The following MICU2 variants were observed in gnomAD, a reference collection of about 807,000 sequenced individuals.
MICU2 encodes mitochondrial calcium uptake 2, also known as calcium uptake protein 2, mitochondrial.
MICU2 carries 64 observed loss-of-function variants against 60.4 expected under a neutral mutation model. The observed-to-expected ratio is 1.06, with a 90% confidence interval of 0.87 to 1.31. MICU2 has a LOEUF of 1.31. MICU2 is among the 50% of genes most tolerant of loss of function. The pLI is 0.00. For synonymous variants in MICU2, 201 were observed against 175.0 expected (o/e 1.15, Z -1.17); for missense variants, 569 against 531.0 (o/e 1.07, Z -0.70).
At chr13:21,550,511 T>C (rs1023028260) in intron 2 of MICU2, among the ~76,000 whole-genome samples, 1 of 152,146 alleles carries the variant, frequency 6.6e-6, no homozygotes, top group Non-Finnish European at 1.5e-5. Flanking sequence ...GCACCCCAGC[T>C]TGGACCACAG....
intron 8 of MICU2, among the ~76,000 whole-genome samples, chr13:21,506,891 CA>C (rs1389755405): frequency 1.3e-5 from 2 of 152,136 alleles, no homozygotes; most frequent in African/African-American, 4.8e-5. Context: ...CCCAGAAACA[CA>C]AAAGTATAAG....
intron 10 of MICU2, chr13:21,495,807 T>TCCC (rs1267388091): frequency 1.2e-5 from 4 of 342,726 alleles, no homozygotes; most frequent in African/African-American, 8.7e-5. Flanking sequence ...GTGCTGGGAT[T>TCCC]ACAGGCATGA....
At chr13:21,557,332 G>A (rs550993490) in intron 2 of MICU2, among the ~76,000 whole-genome samples, 14 of 152,228 alleles carry the variant, frequency 9.2e-5, no homozygotes, top group African/African-American at 3.1e-4. Context: ...AGAAAAGAAC[G>A]TAAAGAAGGG....
chr13:21,530,250 G>A (rs542979015), intron 4 of MICU2, among the ~76,000 whole-genome samples: 1 of 152,276 alleles, frequency 6.6e-6, no homozygotes, highest in African/African-American at 2.4e-5. Context: ...TGTAATGAAT[G>A]CTATGTATAT....
chr13:21,534,768 A>G (rs373920701), intron 4 of MICU2, among the ~76,000 whole-genome samples: 9 of 152,192 alleles, frequency 5.9e-5, no homozygotes, highest in African/African-American at 2.2e-4. Flanking sequence ...AAATAACCAC[A>G]TATATTTTTC....
chr13:21,569,707 T>C (rs1888064246), intron 1 of MICU2, among the ~76,000 whole-genome samples: 3 of 151,606 alleles, frequency 2.0e-5, no homozygotes, highest in African/African-American at 7.3e-5. Flanking sequence ...CTAATGTTTA[T>C]TAAGTATGTA....
intron 1 of MICU2, among the ~76,000 whole-genome samples, chr13:21,583,393 G>A (rs1888392806): frequency 6.6e-6 from 1 of 152,158 alleles, no homozygotes; most frequent in Non-Finnish European, 1.5e-5. Context: ...GATTGCCTTT[G>A]TATTGCAACG....
intron 1 of MICU2, among the ~76,000 whole-genome samples, chr13:21,575,493 T>C (rs7334482): frequency 0.95 from 142,738 of 150,948 alleles, 67,636 homozygotes; most frequent in East Asian, 1. Flanking sequence ...GAGGCCAAAG[T>C]GGGAGGATCC....
chr13:21,522,809 T>C (rs1002920522), intron 4 of MICU2, among the ~76,000 whole-genome samples, 159 bp from the exon 5 acceptor site: 2 of 152,232 alleles, frequency 1.3e-5, no homozygotes, highest in Non-Finnish European at 2.9e-5. Context: ...AGTAGAGGCC[T>C]AATACTTAAA....
intron 4 of MICU2, chr13:21,531,298 A>G (rs1886992541): frequency 1.3e-6 from 2 of 1,573,622 alleles, no homozygotes; most frequent in Admixed American, 1.7e-5. Context: ...AGCACAGAAA[A>G]TGACTCACCA....
intron 2 of MICU2, among the ~76,000 whole-genome samples, chr13:21,543,711 G>T (rs917812062): frequency 6.6e-6 from 1 of 152,028 alleles, no homozygotes; most frequent in African/African-American, 2.4e-5. Flanking sequence ...TGGATCAGAA[G>T]AATTAATATT....
chr13:21,493,784 TAAA>T (rs111899635), intron 11 of MICU2, among the ~76,000 whole-genome samples: 1 of 143,290 alleles, frequency 7.0e-6, no homozygotes. Context: ...TGGCTAAAAT[TAAA>T]AAAAAAAAAG....
intron 1 of MICU2, among the ~76,000 whole-genome samples, chr13:21,578,682 TG>T (rs1339172260): frequency 6.6e-6 from 1 of 152,236 alleles, no homozygotes; most frequent in African/African-American, 2.4e-5. Flanking sequence ...AATAATTTAC[TG>T]AAATATCTTT....
chr13:21,509,860 G>A (rs1223631922), intron 8 of MICU2, 144 bp downstream of exon 8: 4 of 442,648 alleles, frequency 9.0e-6, no homozygotes, highest in African/African-American at 4.2e-5. Flanking sequence ...TTAGTTCTCA[G>A]AGATAAATAC....
intron 1 of MICU2, among the ~76,000 whole-genome samples, chr13:21,589,614 C>G (rs998730606): frequency 6.6e-6 from 1 of 152,120 alleles, no homozygotes; most frequent in African/African-American, 2.4e-5. Context: ...ATAAAGCAAC[C>G]TTTTTCGATT....
At position 21,520,652 on chromosome 13, in the gene MICU2, G is replaced by T. The variant is rs958832247; in HGVS notation, c.597+593C>A. ...TACCAAACTGTTGATGTGCATTGAG[G>T]TTTTTTTGTTTTTTTTTTTTAATAT... On this transcript the variant is annotated intron_variant, in intron 6 of 11. Coordinates refer to ENST00000382374, the MANE Select transcript of MICU2 (RefSeq NM_152726.3). 6.5e-5 allele frequency among the ~76,000 whole-genome samples: 8 copies of T among 122,818 alleles called. No individual in the cohort carries two copies. In the South Asian group the frequency reaches 2.4e-3, roughly 37 times the overall value. The allele number at this position is 122,818 out of a possible 152,430, so 80.6% of individuals were successfully genotyped here.
chr13:21,528,208 C>T lies in MICU2; in HGVS notation c.467-5558G>A, dbSNP rs144530328. Among the ~76,000 whole-genome samples, 10 of 152,026 alleles carry T rather than the reference C, an allele frequency of 6.6e-5. No homozygotes were observed. The East Asian group carries it at 1.5e-3, about 23-fold the overall frequency. On this transcript the variant is annotated intron_variant, in intron 4 of 11. Coordinates refer to ENST00000382374, the MANE Select transcript of MICU2 (RefSeq NM_152726.3). ...GGAATGTACTACCTTTTGCTAGTTA[C>T]GATAGAGTATAAATTTTGATAGTTC...
chr13:21,521,290 C>T lies in MICU2; in HGVS notation c.552G>A (p.Leu184=). Residue 184 remains leucine, a synonymous_variant, in exon 6 of 12, where the codon CTG becomes CTA. Coordinates refer to ENST00000382374, the MANE Select transcript of MICU2 (RefSeq NM_152726.3). The stretch of plus-strand genomic sequence containing the variant: ...CAATCATCTCATTACCATCTGTATC[C>T]AGCATTTTAAAAGCAACATGAAATC... ...HSGFHVAFKM[L]DTDGNEMIEK... is the part of the protein sequence containing the mutation. 2.5e-6 allele frequency: 4 copies of T among 1,610,026 alleles called. No individual in the cohort carries two copies. Among genetic ancestry groups the T allele is most frequent in the Non-Finnish European group, 3.4e-6 (4 of 1,178,726 alleles).
intron 1 of MICU2, among the ~76,000 whole-genome samples, chr13:21,600,793 C>CTATTATTATTATTATTAT (rs10622847): frequency 2.7e-5 from 4 of 150,884 alleles, no homozygotes; most frequent in East Asian, 2.0e-4. Flanking sequence ...GACATATTCA[C>CTATTATTATTATTATTAT]TATTATTATT....
Sources: gnomAD v4.1 joint callset for allele counts (sites outside exome capture counted in the v4.1 genomes callset) on GRCh38, gnomAD v4.1.1 for gene constraint, MANE v1.5 for transcripts, NCBI Gene and HGNC (gene_info 2026-07-23, HGNC 2026-07-21) for gene names.